The following OR8H2 variants were observed in gnomAD, a reference collection of about 807,000 sequenced individuals.
The protein encoded by OR8H2 is olfactory receptor family 8 subfamily H member 2, also known as olfactory receptor 8H2.
For missense variants in OR8H2, 374 were observed against 371.1 expected, an observed-to-expected ratio of 1.01 and a Z score of -0.06; for synonymous variants, 157 against 139.2, an observed-to-expected ratio of 1.13 and a Z score of -0.90.
chr11:56,104,836 A>ATTTTTTTTTTTTTTTTTTT (rs1565046605), intron 1 of OR8H2, 36 bp from the exon 2 acceptor site: 2 of 437,132 alleles, frequency 4.6e-6, no homozygotes. Context: ...ATAAACAGAA[A>ATTTTTTTTTTTTTTTTTTT]GTTTTTTTTT....
rs759692890 is a variant in OR8H2 at position 56,105,202 on chromosome 11, C to A, written c.160C>A (p.Leu54Ile). The part of the protein sequence containing the change: ...VGMILIIRLD[L>I]QLHTPMYFFL... ...GATGATATTGATAATCCGCCTGGAC[C>A]TCCAGCTTCACACTCCCATGTATTT... is the stretch of plus-strand genomic sequence containing the variant. Residue 54 changes from leucine (L) to isoleucine (I), a missense_variant, in exon 2 of 2, where the codon CTC becomes ATC. Leu to Ile is a conservative substitution (Grantham distance 5, BLOSUM62 2). Transcript: ENST00000313503. 1.7e-4 allele frequency: 281 copies of A among 1,614,052 alleles called. No individual in the cohort carries two copies. The highest frequency in any genetic ancestry group is 2.3e-4 in the Non-Finnish European group (271 of 1,180,030).
In OR8H2 at chr11:56,107,525, C is replaced by G. The variant is rs763868675; in HGVS notation, c.*1544C>G. ...TCTGGAATCACAGTTTTGTTTTTCT[C>G]TGCTATTTAATGGATATTTTAGAAG... is the stretch of plus-strand genomic sequence containing the variant. On this transcript the variant is annotated 3_prime_UTR_variant, in exon 2 of 2. Coordinates refer to ENST00000313503, the MANE Select transcript of OR8H2 (RefSeq NM_001386064.1). 1 of 151,806 alleles carries G rather than the reference C, an allele frequency of 6.6e-6. No individual in the cohort carries two copies. The highest frequency in any genetic ancestry group is 1.5e-5 in the Non-Finnish European group (1 of 67,756). 9.4% of individuals were successfully genotyped at this position (151,806 alleles called of 1,614,324 possible).
rs1393486336 is a variant in OR8H2, at chr11:56,103,896, A to G, written c.-263A>G. The G allele has an allele frequency of 1.3e-5, 2 of 152,182 alleles. No homozygotes were observed. Among genetic ancestry groups the G allele is most frequent in the African/African-American group, 2.4e-5 (1 of 41,456 alleles). The allele number at this position is 152,182 out of a possible 1,614,324, so 9.4% of individuals were successfully genotyped here. On this transcript the variant is annotated 5_prime_UTR_variant, in exon 1 of 2. Transcript: ENST00000313503. ...TAAAAAATTCATTTCCTCAGTTTTC[A>G]TATTTTATTTATAACAAAAATTTGA...
In OR8H2 at chr11:56,106,310, T is replaced by C. The variant is rs1434493009; in HGVS notation, c.*329T>C. 1 of 167,266 alleles carries C rather than the reference T, an allele frequency of 6.0e-6. No individual in the cohort carries two copies. The highest frequency in any genetic ancestry group is 1.3e-5 in the Non-Finnish European group (1 of 78,416). 10.4% of individuals were successfully genotyped at this position (167,266 alleles called of 1,614,324 possible). On this transcript the variant is annotated 3_prime_UTR_variant, in exon 2 of 2. Coordinates refer to ENST00000313503, the MANE Select transcript of OR8H2 (RefSeq NM_001386064.1). ...TATGTATACTTCAATTGTAGATAAA[T>C]TTATTATGGAAAGAACTATTTGGGA...
rs1438088051 is a variant in OR8H2 at position 56,103,920 on chromosome 11, G to A, written c.-239G>A. 2 of 152,034 alleles carry A rather than the reference G, an allele frequency of 1.3e-5. No homozygotes were observed. The highest frequency in any genetic ancestry group is 2.4e-5 in the African/African-American group (1 of 41,408). The allele number at this position is 152,034 out of a possible 1,614,324, so 9.4% of individuals were successfully genotyped here. ...CATATTTTATTTATAACAAAAATTT[G>A]AGGTTGACAAATTTCCAGACAGATA... On this transcript the variant is annotated 5_prime_UTR_variant, in exon 1 of 2. Coordinates refer to ENST00000313503, the MANE Select transcript of OR8H2 (RefSeq NM_001386064.1).
intron 1 of OR8H2, among the ~76,000 whole-genome samples, chr11:56,104,587 C>A (rs936854023): frequency 3.9e-5 from 6 of 152,052 alleles, no homozygotes; most frequent in Non-Finnish European, 8.8e-5. Flanking sequence ...ATAGTAGTAT[C>A]TAAGGTATAC....
chr11:56,105,696 T>C lies in OR8H2; in HGVS notation c.654T>C (p.Tyr218=), dbSNP rs1854045162. Residue 218 remains tyrosine, a synonymous_variant, in exon 2 of 2, where the codon TAT becomes TAC. Coordinates refer to ENST00000313503, the MANE Select transcript of OR8H2 (RefSeq NM_001386064.1). ...MVSLFTISAS[Y]VFILFTILKI... is the part of the protein sequence containing the mutation. ...CCCTTTTCACAATATCTGCATCCTA[T>C]GTGTTCATTCTCTTTACCATCCTGA... is the stretch of plus-strand genomic sequence containing the variant. 6.2e-7 allele frequency: 1 copy of C among 1,614,164 alleles called. No individual in the cohort carries two copies. Among genetic ancestry groups the C allele is most frequent in the Non-Finnish European group, 8.5e-7 (1 of 1,179,966 alleles).
At position 56,105,885 on chromosome 11, in the gene OR8H2, G is replaced by A; in HGVS notation, c.843G>A (p.Val281=). Residue 281 remains valine (V), a synonymous_variant, in exon 2 of 2, where the codon GTG becomes GTA. Transcript: ENST00000313503. The part of the protein sequence containing the change: ...DQVASVFYTI[V]IPVLNPLIYS... ...TGGCTTCTGTTTTTTATACTATTGT[G>A]ATTCCCGTGCTGAATCCACTCATTT... 1 of 1,611,132 alleles carries A rather than the reference G, an allele frequency of 6.2e-7. No individual in the cohort carries two copies. The highest frequency in any genetic ancestry group is 2.2e-5 in the East Asian group (1 of 44,832).
chr11:56,105,503 T>C lies in OR8H2; in HGVS notation c.461T>C (p.Ile154Thr), dbSNP rs937828693. The part of the protein sequence containing the change: ...LITGPYVIGF[I>T]DSFVNVVSMS... The stretch of plus-strand genomic sequence containing the variant: ...ACTGGGCCTTATGTGATTGGCTTTA[T>C]AGACTCCTTTGTCAACGTGGTTTCC... Residue 154 changes from isoleucine to threonine, a missense_variant, in exon 2 of 2, where the codon ATA becomes ACA. Transcript: ENST00000313503. The C allele has an allele frequency of 1.9e-6, 3 of 1,614,226 alleles. No individual in the cohort carries two copies. Among genetic ancestry groups the C allele is most frequent in the East Asian group, 2.2e-5 (1 of 44,868 alleles).
In OR8H2 at chr11:56,106,707, A is replaced by C. The variant is rs1854059662; in HGVS notation, c.*726A>C. The C allele has an allele frequency of 6.6e-6, 1 of 152,064 alleles. No homozygotes were observed. Among genetic ancestry groups the C allele is most frequent in the African/African-American group, 2.4e-5 (1 of 41,460 alleles). The allele number at this position is 152,064 out of a possible 1,614,324, so 9.4% of individuals were successfully genotyped here. ...ATTGACAGAACTAAAAAGAACAAAA[A>C]TCAGCAGCTCACAATTTTGGATTTC... On this transcript the variant is annotated 3_prime_UTR_variant, in exon 2 of 2. Transcript: ENST00000313503.
In OR8H2 at chr11:56,103,940, C is replaced by A. The variant is rs1435030658; in HGVS notation, c.-219C>A. Reference sequence around the variant, plus strand: ...AATTTGAGGTTGACAAATTTCCAGACAGATAATATAAGAAGAAACCTTTTT... The same window carrying A: ...AATTTGAGGTTGACAAATTTCCAGAAAGATAATATAAGAAGAAACCTTTTT... On this transcript the variant is annotated 5_prime_UTR_variant, in exon 1 of 2. Transcript: ENST00000313503. The A allele has an allele frequency of 1.3e-5, 2 of 152,020 alleles. No homozygotes were observed. Among genetic ancestry groups the A allele is most frequent in the African/African-American group, 2.4e-5 (1 of 41,396 alleles). 9.4% of individuals were successfully genotyped at this position (152,020 alleles called of 1,614,324 possible).
chr11:56,104,703 T>C (rs1293386586), intron 1 of OR8H2, among the ~76,000 whole-genome samples, 169 bp from the exon 2 acceptor site: 3 of 152,238 alleles, frequency 2.0e-5, no homozygotes, highest in African/African-American at 4.8e-5. Flanking sequence ...TTGTAACATA[T>C]GCAAATGTTA....
intron 1 of OR8H2, 144 bp from the exon 2 acceptor site, chr11:56,104,728 C>T: frequency 3.9e-6 from 1 of 257,790 alleles, no homozygotes; most frequent in Non-Finnish European, 7.4e-6. Context: ...GTACTTACAT[C>T]AATATTGGCA....
In OR8H2 at chr11:56,106,771, A is replaced by G. The variant is rs1854060377; in HGVS notation, c.*790A>G. ...TTCAGTAGAATTAAGTTATAGAAAA[A>G]TAGCCTATATTAAGATAATGTTGGA... On this transcript the variant is annotated 3_prime_UTR_variant, in exon 2 of 2. Coordinates refer to ENST00000313503, the MANE Select transcript of OR8H2 (RefSeq NM_001386064.1). 6.6e-6 allele frequency: 1 copy of G among 152,028 alleles called. No individual in the cohort carries two copies. Among genetic ancestry groups the G allele is most frequent in the Admixed American group, 6.6e-5 (1 of 15,258 alleles). The allele number at this position is 152,028 out of a possible 1,614,324, so 9.4% of individuals were successfully genotyped here.
intron 1 of OR8H2, among the ~76,000 whole-genome samples, chr11:56,104,502 T>C (rs1315669595): frequency 1.3e-5 from 2 of 152,310 alleles, no homozygotes; most frequent in East Asian, 1.9e-4. Context: ...AGTGTCAACA[T>C]TGAATAGATC....
chr11:56,105,676 T>A lies in OR8H2; in HGVS notation c.634T>A (p.Phe212Ile), dbSNP rs141783244. The A allele has an allele frequency of 3.0e-5, 48 of 1,614,008 alleles. No homozygotes were observed. Among genetic ancestry groups the A allele is most frequent in the African/African-American group, 2.3e-4 (17 of 74,942 alleles). Reference protein sequence around the residue: ...IVGSTLMVSLFTISASYVFIL... With the variant: ...IVGSTLMVSLITISASYVFIL... ...TGGTTCCACCCTGATGGTGTCCCTT[T>A]TCACAATATCTGCATCCTATGTGTT... The change falls in exon 2 of 2, where the codon TTC (phenylalanine) becomes ATC (isoleucine). Residue 212 changes from phenylalanine to isoleucine, a missense_variant. Transcript: ENST00000313503.
chr11:56,105,195 C>T lies in OR8H2; in HGVS notation c.153C>T (p.Arg51=). 1.2e-6 allele frequency: 2 copies of T among 1,614,160 alleles called. No individual in the cohort carries two copies. Among genetic ancestry groups the T allele is most frequent in the Non-Finnish European group, 1.7e-6 (2 of 1,180,026 alleles). ...ATGTGGGGATGATATTGATAATCCG[C>T]CTGGACCTCCAGCTTCACACTCCCA... is the stretch of plus-strand genomic sequence containing the variant. ...LGNVGMILII[R]LDLQLHTPMY... Residue 51 remains arginine (R), a synonymous_variant, in exon 2 of 2, where the codon CGC becomes CGT. Coordinates refer to ENST00000313503, the MANE Select transcript of OR8H2 (RefSeq NM_001386064.1).
Position 56,107,071 on chromosome 11 carries a change from A to G in OR8H2, c.*1090A>G, listed in dbSNP as rs767543202. 10 of 152,054 alleles carry G rather than the reference A, an allele frequency of 6.6e-5. No homozygotes were observed. The highest frequency in any genetic ancestry group is 2.1e-4 in the South Asian group (1 of 4,830). 9.4% of individuals were successfully genotyped at this position (152,054 alleles called of 1,614,324 possible). ...CTTTCTGTATCCATTTACAAGTTTAATGTTGTCATCGACAACTCTAATATA... is the reference window on the plus strand; with the variant it reads ...CTTTCTGTATCCATTTACAAGTTTAGTGTTGTCATCGACAACTCTAATATA... On this transcript the variant is annotated 3_prime_UTR_variant, in exon 2 of 2. Transcript: ENST00000313503.
In OR8H2 at chr11:56,105,492, G is replaced by A; in HGVS notation, c.450G>A (p.Val150=). The change falls in exon 2 of 2, where the codon GTG becomes GTA. Residue 150 remains valine (V), a synonymous_variant. Transcript: ENST00000313503. The stretch of plus-strand genomic sequence containing the variant: ...TCGCTCTCATCACTGGGCCTTATGT[G>A]ATTGGCTTTATAGACTCCTTTGTCA... ...LCLALITGPY[V]IGFIDSFVNV... is the part of the protein sequence containing the mutation. The A allele has an allele frequency of 1.2e-6, 2 of 1,614,174 alleles. No individual in the cohort carries two copies. Among genetic ancestry groups the A allele is most frequent in the African/African-American group, 1.3e-5 (1 of 75,056 alleles).
Sources: allele counts gnomAD v4.1 joint callset (sites outside exome capture counted in the v4.1 genomes callset), GRCh38; gene constraint gnomAD v4.1.1; transcripts MANE v1.5; gene names NCBI Gene and HGNC (gene_info 2026-07-23, HGNC 2026-07-21).